The following XPO6 variants were observed in gnomAD, a reference collection of about 807,000 sequenced individuals.
XPO6 encodes the protein exportin 6.
In XPO6, 3 loss-of-function variants were observed where a neutral mutation model predicts 130.0. That is an observed-to-expected ratio of 0.02 (90% CI 0.01 to 0.06). The LOEUF (loss-of-function observed/expected upper bound fraction) is 0.06. XPO6 is among the 10% of genes least tolerant of loss of function. XPO6 has a pLI of 1.00. For synonymous variants in XPO6, 524 were observed against 548.9 expected (o/e 0.95, Z 0.63); for missense variants, 970 against 1,393.0 (o/e 0.70, Z 4.83).
chr16:28,103,382 A>G (rs2086694559), intron 21 of XPO6, among the ~76,000 whole-genome samples: 1 of 152,198 alleles, frequency 6.6e-6, no homozygotes, highest in African/African-American at 2.4e-5. Context: ...CTGTTCATCC[A>G]TTCAGCTGCT....
intron 8 of XPO6, among the ~76,000 whole-genome samples, chr16:28,151,629 G>A (rs1434804059): frequency 6.6e-6 from 1 of 152,180 alleles, no homozygotes; most frequent in Non-Finnish European, 1.5e-5. Context: ...TCTTGACTTA[G>A]GTGATGGTTA....
At chr16:28,175,494 T>C (rs2043519949) in intron 4 of XPO6, among the ~76,000 whole-genome samples, 1 of 152,166 alleles carries the variant, frequency 6.6e-6, no homozygotes, top group Non-Finnish European at 1.5e-5. Flanking sequence ...CAAGTCTACA[T>C]GCTATGCCAC....
In XPO6 at chr16:28,199,212, C is replaced by T. The variant is rs955880234; in HGVS notation, c.3+12154G>A. Among the ~76,000 whole-genome samples, 15 of 152,242 alleles carry T rather than the reference C, an allele frequency of 9.9e-5. No homozygotes were observed. In the East Asian group the frequency reaches 1.7e-3, roughly 18 times the overall value. Reference sequence around the variant, plus strand: ...GTTTTTATTTAAAAGGACATGAGTCCGTGACACAGCCTCAGGAGGTCCTGA... The same window carrying T: ...GTTTTTATTTAAAAGGACATGAGTCTGTGACACAGCCTCAGGAGGTCCTGA... On this transcript the variant is annotated intron_variant, in intron 1 of 23. Coordinates refer to ENST00000304658, the MANE Select transcript of XPO6 (RefSeq NM_015171.4).
intron 1 of XPO6, among the ~76,000 whole-genome samples, chr16:28,183,028 T>A (rs1163080093): frequency 6.6e-6 from 1 of 152,182 alleles, no homozygotes; most frequent in Non-Finnish European, 1.5e-5. Flanking sequence ...CATCTGCAAA[T>A]CATATCTCTC....
chr16:28,203,395 C>G (rs1247824007), intron 1 of XPO6, among the ~76,000 whole-genome samples: 1 of 152,090 alleles, frequency 6.6e-6, no homozygotes, highest in Non-Finnish European at 1.5e-5. Context: ...GGAATTCCTA[C>G]CCTTTCAACA....
intron 23 of XPO6, among the ~76,000 whole-genome samples, chr16:28,099,920 A>G (rs1411691936): frequency 1.3e-5 from 2 of 152,166 alleles, no homozygotes; most frequent in Non-Finnish European, 2.9e-5. Context: ...GCCAAACCAG[A>G]ATTTCCTGGG....
At chr16:28,152,975 G>C in intron 7 of XPO6, 190 bp from the exon 8 acceptor site, 1 of 1,259,380 alleles carries the variant, frequency 7.9e-7, no homozygotes, top group African/African-American at 1.6e-5. Context: ...CTGAAACATA[G>C]CAGAAAAGCA....
intron 1 of XPO6, among the ~76,000 whole-genome samples, chr16:28,204,095 G>A (rs2043989788): frequency 6.6e-6 from 1 of 151,972 alleles, no homozygotes; most frequent in African/African-American, 2.4e-5. Context: ...GAACACCCAA[G>A]ACCTCAACAA....
Position 28,135,293 on chromosome 16 carries a change from C to G in XPO6, c.1366G>C (p.Glu456Gln). Reference sequence around the variant, plus strand: ...CTGAACTGGATTCGATTCAACACCTCTGTGAGCAGGAGCACCAGGGCATCT... The same window carrying G: ...CTGAACTGGATTCGATTCAACACCTGTGTGAGCAGGAGCACCAGGGCATCT... The part of the protein sequence containing the change: ...YEDALVLLLT[E>Q]VLNRIQFRYN... The change falls in exon 10 of 24, where the codon GAG becomes CAG. Residue 456 changes from glutamate to glutamine, a missense_variant. Glu to Gln is a conservative substitution (Grantham distance 29). Coordinates refer to ENST00000304658, the MANE Select transcript of XPO6 (RefSeq NM_015171.4). 6.2e-7 allele frequency: 1 copy of G among 1,613,946 alleles called. No homozygotes were observed. Among genetic ancestry groups the G allele is most frequent in the Non-Finnish European group, 8.5e-7 (1 of 1,179,914 alleles).
Position 28,106,992 on chromosome 16 carries a change from T to G in XPO6, c.2498-495A>C, listed in dbSNP as rs1216580841. Among the ~76,000 whole-genome samples, 1 of 152,234 alleles carries G rather than the reference T, an allele frequency of 6.6e-6. No homozygotes were observed. Among genetic ancestry groups the G allele is most frequent in the Non-Finnish European group, 1.5e-5 (1 of 68,044 alleles). ...AATTGCAGAAAATACTGGTTACATA[T>G]AGGGCAGTTTCACTTCCAGATCTCA... On this transcript the variant is annotated intron_variant, in intron 18 of 23. Transcript: ENST00000304658. The surrounding 1 kb of genome is among the most constrained non-coding windows in gnomAD (Gnocchi z 4.2).
chr16:28,144,916 G>A (rs1003997507), intron 9 of XPO6, among the ~76,000 whole-genome samples: 4 of 152,146 alleles, frequency 2.6e-5, no homozygotes, highest in African/African-American at 4.8e-5. Flanking sequence ...AGGTCTGTGC[G>A]ATTCCCCGTC....
intron 13 of XPO6, 41 bp downstream of exon 13, chr16:28,125,648 T>C: frequency 6.3e-7 from 1 of 1,592,078 alleles, no homozygotes; most frequent in Non-Finnish European, 8.6e-7. Context: ...AAAGCTGAAC[T>C]CTGAAGAAGG....
chr16:28,206,885 C>T (rs957890572), intron 1 of XPO6, among the ~76,000 whole-genome samples: 1 of 152,086 alleles, frequency 6.6e-6, no homozygotes, highest in Non-Finnish European at 1.5e-5. Flanking sequence ...GGATGACATG[C>T]CATGTGAGTG....
intron 13 of XPO6, among the ~76,000 whole-genome samples, chr16:28,124,007 G>T (rs374403022): frequency 1.7e-4 from 26 of 151,712 alleles, no homozygotes; most frequent in East Asian, 1.5e-3. Context: ...AATGATTCAG[G>T]ATCTTTGAGA....
At chr16:28,149,516 C>T (rs2043048176) in intron 8 of XPO6, among the ~76,000 whole-genome samples, 1 of 152,140 alleles carries the variant, frequency 6.6e-6, no homozygotes, top group African/African-American at 2.4e-5. Flanking sequence ...CAAGATAACC[C>T]CTGTATTTTT....
At chr16:28,133,959 G>A in intron 10 of XPO6, 26 bp from the exon 11 acceptor site, 1 of 1,611,342 alleles carries the variant, frequency 6.2e-7, no homozygotes, top group Non-Finnish European at 8.5e-7. Flanking sequence ...AGGAGAATCA[G>A]CTCTCCCAGA....
chr16:28,147,891 A>G (rs1413393214), intron 8 of XPO6, among the ~76,000 whole-genome samples: 5 of 152,230 alleles, frequency 3.3e-5, no homozygotes, highest in Admixed American at 6.5e-5. Flanking sequence ...GGTTGCAGTG[A>G]GCTGAGATCG....
intron 20 of XPO6, 88 bp from the exon 21 acceptor site, chr16:28,104,795 T>A (rs575619471): frequency 9.4e-5 from 138 of 1,466,450 alleles, no homozygotes; most frequent in Middle Eastern, 7.2e-4. Flanking sequence ...AGGAGACGCC[T>A]CGTGACAGCA....
At chr16:28,197,188 G>A (rs1407887598) in intron 1 of XPO6, among the ~76,000 whole-genome samples, 1 of 152,148 alleles carries the variant, frequency 6.6e-6, no homozygotes. Context: ...GGAGACAGAG[G>A]TTGCAGTGAG....
Sources: gnomAD v4.1 joint callset for allele counts (sites outside exome capture counted in the v4.1 genomes callset) on GRCh38, gnomAD v4.1.1 for gene constraint, Gnocchi (gnomAD v3.1) non-coding constraint, MANE v1.5 for transcripts, NCBI Gene and HGNC (gene_info 2026-07-23, HGNC 2026-07-21) for gene names.